LEKR1: variants seen among roughly 807,000 people sequenced by gnomAD.
LEKR1 encodes the protein leucine, glutamate and lysine rich 1, also known as protein LEKR1.
In LEKR1, 59 loss-of-function variants were observed where a neutral mutation model predicts 72.4. The observed-to-expected ratio is 0.82, with a 90% CI of 0.66 to 1.01. The LOEUF (loss-of-function observed/expected upper bound fraction) is 1.01. Among genes scored for constraint, LEKR1 ranks in the 50% least tolerant of loss-of-function variants. LEKR1 has a pLI of 0.00. For missense variants in LEKR1, 728 were observed against 759.2 expected, an observed-to-expected ratio of 0.96 and a Z score of 0.48; for synonymous variants, 257 against 263.2, an observed-to-expected ratio of 0.98 and a Z score of 0.23.
chr3:157,023,507 G>C (rs918783993), intron 10 of LEKR1, among the ~76,000 whole-genome samples: 10 of 152,160 alleles, frequency 6.6e-5, no homozygotes, highest in African/African-American at 2.4e-4. Flanking sequence ...ATTTAGTATG[G>C]AGTCAGTAGT....
intron 6 of LEKR1, among the ~76,000 whole-genome samples, chr3:156,950,427 C>A (rs1727051542): frequency 2.0e-5 from 3 of 151,380 alleles, no homozygotes; most frequent in African/African-American, 7.3e-5. Flanking sequence ...TTGCTTTGGG[C>A]AGTATGGCCA....
chr3:156,984,634 G>A (rs373005590), intron 7 of LEKR1, among the ~76,000 whole-genome samples: 4 of 152,118 alleles, frequency 2.6e-5, no homozygotes, highest in East Asian at 1.9e-4. Flanking sequence ...CCAAGATTGC[G>A]ACACTGCACT....
At chr3:156,979,125 G>A in intron 6 of LEKR1, 69 bp from the exon 7 acceptor site, 2 of 688,310 alleles carry the variant, frequency 2.9e-6, no homozygotes, top group African/African-American at 1.8e-5. Flanking sequence ...AAAGAATATG[G>A]TTTACTCTAT....
At chr3:156,891,674 C>G (rs1040205005) in intron 3 of LEKR1, among the ~76,000 whole-genome samples, 29 of 152,184 alleles carry the variant, frequency 1.9e-4, no homozygotes, top group African/African-American at 7.0e-4. Flanking sequence ...GGAGTTATAA[C>G]CATCCTTTGG....
chr3:157,013,715 T>G (rs901149525), intron 10 of LEKR1, among the ~76,000 whole-genome samples: 1 of 152,226 alleles, frequency 6.6e-6, no homozygotes, highest in East Asian at 1.9e-4. Context: ...TGTTAGCTAT[T>G]GAGACTATGA....
intron 6 of LEKR1, among the ~76,000 whole-genome samples, chr3:156,945,216 C>CCA (rs1726575401): frequency 1.3e-5 from 2 of 151,816 alleles, no homozygotes; most frequent in Non-Finnish European, 2.9e-5. Flanking sequence ...TGTTTGTCTG[C>CCA]TTTTGAGAAA....
chr3:156,832,599 C>A (rs1328769645), intron 2 of LEKR1, among the ~76,000 whole-genome samples: 1 of 152,148 alleles, frequency 6.6e-6, no homozygotes, highest in African/African-American at 2.4e-5. Flanking sequence ...TCAGATTAGA[C>A]CTTTTAAAAG....
At chr3:156,836,755 T>C (rs1381658801) in intron 2 of LEKR1, among the ~76,000 whole-genome samples, 2 of 152,108 alleles carry the variant, frequency 1.3e-5, no homozygotes, top group African/African-American at 4.8e-5. Context: ...AAAAGAAAAT[T>C]CAAGACAGGA....
rs926960779 is a variant in LEKR1, at chr3:156,927,398, T to G, written c.384-31T>G. The G allele has an allele frequency of 3.3e-6, 3 of 916,856 alleles. No homozygotes were observed. The African/African-American group carries it at 5.9e-5, about 18-fold the overall frequency. The allele number at this position is 916,856 out of a possible 1,614,324, so 56.8% of individuals were successfully genotyped here. A position where few individuals can be genotyped will look rare whatever the true frequency, so the allele number is the denominator to read the frequency against. ...AATGTTTGTTATGCTTACTATTTTT[T>G]AAAATCCTATTTTTTTTTTTTACTT... On this transcript the variant is annotated intron_variant, in intron 4 of 12. Coordinates refer to ENST00000356539, the MANE Select transcript of LEKR1 (RefSeq NM_001004316.3).
chr3:156,868,758 T>C (rs972850924), intron 3 of LEKR1, among the ~76,000 whole-genome samples: 2 of 152,042 alleles, frequency 1.3e-5, no homozygotes, highest in Non-Finnish European at 1.5e-5. Flanking sequence ...TAGAGTCACC[T>C]AACTCTGCTA....
chr3:156,842,758 T>C (rs570896861), intron 2 of LEKR1, among the ~76,000 whole-genome samples: 10 of 152,322 alleles, frequency 6.6e-5, no homozygotes, highest in Non-Finnish European at 1.2e-4. Context: ...TAAAGCATTT[T>C]CCCCTGGTCT....
At chr3:156,920,865 A>T in intron 4 of LEKR1, 171 bp downstream of exon 4, 1 of 434,934 alleles carries the variant, frequency 2.3e-6, no homozygotes, top group Non-Finnish European at 4.0e-6. Context: ...CTCAATGAAT[A>T]GTGTTGCTAA....
chr3:156,990,895 C>T (rs993137675), intron 7 of LEKR1, among the ~76,000 whole-genome samples: 2 of 151,996 alleles, frequency 1.3e-5, no homozygotes, highest in African/African-American at 4.8e-5. Context: ...TGATAGAAGC[C>T]CAGATCTGGG....
rs116806700 is a variant in LEKR1, at chr3:156,963,517, G to A, written c.746-15677G>A. 3.8e-3 allele frequency among the ~76,000 whole-genome samples: 580 copies of A among 152,076 alleles called. 4 individuals are homozygous for A. Among genetic ancestry groups the A allele is most frequent in the Admixed American group, 0.014 (221 of 15,262 alleles). ...TCTCTCCCCATACTCCCACCCTCTT[G>A]CCCAATGTCTCTTACCTCTTGGCAG... On this transcript the variant is annotated intron_variant, in intron 6 of 12. Transcript: ENST00000356539.
At chr3:157,013,298 G>T (rs1733052355) in intron 10 of LEKR1, among the ~76,000 whole-genome samples, 1 of 152,044 alleles carries the variant, frequency 6.6e-6, no homozygotes, top group Non-Finnish European at 1.5e-5. Context: ...CCCACTAGGG[G>T]TTTTCAGATA....
chr3:156,997,560 C>T (rs954891749), intron 9 of LEKR1, among the ~76,000 whole-genome samples: 1 of 152,220 alleles, frequency 6.6e-6, no homozygotes, highest in Non-Finnish European at 1.5e-5. Context: ...AGTATTACAA[C>T]CAACCAGGCT....
In LEKR1 at chr3:156,993,296, T is replaced by TA. The variant is rs1325330167; in HGVS notation, c.1109+19_1109+20insA. 5 of 1,508,996 alleles carry TA rather than the reference T, an allele frequency of 3.3e-6. No individual in the cohort carries two copies. The highest frequency in any genetic ancestry group is 4.5e-6 in the Non-Finnish European group (5 of 1,113,320). 93.5% of individuals were successfully genotyped at this position (1,508,996 alleles called of 1,614,324 possible). A position where few individuals can be genotyped will look rare whatever the true frequency, so the allele number is the denominator to read the frequency against. The stretch of plus-strand genomic sequence containing the variant: ...ATGAAAGGTGCAGTAAACAATAATT[T>TA]CTTACAAAAACATTTTATGTTTAAG... On this transcript the variant is annotated intron_variant, in intron 9 of 12. Coordinates refer to ENST00000356539, the MANE Select transcript of LEKR1 (RefSeq NM_001004316.3).
intron 2 of LEKR1, among the ~76,000 whole-genome samples, chr3:156,838,064 C>T (rs185063708): frequency 1.3e-5 from 2 of 152,294 alleles, no homozygotes; most frequent in East Asian, 1.9e-4. Flanking sequence ...CCAGTCACCC[C>T]GCTTAGCATC....
intron 6 of LEKR1, among the ~76,000 whole-genome samples, chr3:156,945,512 A>G (rs1726598652): frequency 6.6e-6 from 1 of 151,660 alleles, no homozygotes; most frequent in African/African-American, 2.4e-5. Flanking sequence ...GTATTACTCA[A>G]GAAACTTTTG....
Sources: allele counts gnomAD v4.1 joint callset (sites outside exome capture counted in the v4.1 genomes callset), GRCh38; gene constraint gnomAD v4.1.1; transcripts MANE v1.5; gene names NCBI Gene and HGNC (gene_info 2026-07-23, HGNC 2026-07-21).